The following SH3GL2 variants were observed in gnomAD, a reference collection of about 807,000 sequenced individuals.
SH3GL2 encodes the protein endophilin-A1.
A neutral mutation model predicts 46.0 loss-of-function variants in SH3GL2; 24 were observed. The observed-to-expected ratio is 0.52, with a 90% CI of 0.38 to 0.73. The LOEUF (loss-of-function observed/expected upper bound fraction) is 0.73, where lower values mean the gene tolerates loss of function less well. SH3GL2 is among the 30% of genes least tolerant of loss of function. The probability of loss-of-function intolerance (pLI) is 0.00; values close to 1 mark genes in which losing one functional copy is unlikely to be tolerated. For synonymous variants in SH3GL2, 196 were observed against 147.1 expected, an observed-to-expected ratio of 1.33 and a Z score of -2.40; for missense variants, 413 against 424.2, an observed-to-expected ratio of 0.97 and a Z score of 0.23.
intron 1 of SH3GL2, among the ~76,000 whole-genome samples, chr9:17,583,429 C>A (rs1205955299): frequency 1.3e-5 from 2 of 152,126 alleles, no homozygotes; most frequent in African/African-American, 4.8e-5. Context: ...GTCACCCTGT[C>A]CCCTTCCACC....
chr9:17,725,684 G>T (rs952446880), intron 1 of SH3GL2, among the ~76,000 whole-genome samples: 1 of 151,994 alleles, frequency 6.6e-6, no homozygotes. Context: ...CTGGGGTTGG[G>T]GTTTTAAGGG....
chr9:17,633,489 G>A (rs896995140), intron 1 of SH3GL2, among the ~76,000 whole-genome samples: 17 of 152,182 alleles, frequency 1.1e-4, no homozygotes, highest in Admixed American at 6.5e-4. Context: ...TTTGCATATC[G>A]TCAAAATAAT....
intron 6 of SH3GL2, chr9:17,790,374 A>G: frequency 1.1e-6 from 1 of 951,998 alleles, no homozygotes; most frequent in Non-Finnish European, 1.3e-6. Context: ...GTCACCTAAA[A>G]TTAACCATCA....
At chr9:17,714,360 A>G (rs949092417) in intron 1 of SH3GL2, among the ~76,000 whole-genome samples, 1 of 151,800 alleles carries the variant, frequency 6.6e-6, no homozygotes, top group African/African-American at 2.4e-5. Flanking sequence ...ACATTTTAAT[A>G]TGATTATTCA....
chr9:17,612,591 G>T (rs978589538), intron 1 of SH3GL2, among the ~76,000 whole-genome samples: 15 of 152,298 alleles, frequency 9.8e-5, no homozygotes, highest in Middle Eastern at 3.4e-3. Flanking sequence ...GTGAGAGACT[G>T]GGAGGATGCA....
At chr9:17,585,218 C>T (rs1224183714) in intron 1 of SH3GL2, among the ~76,000 whole-genome samples, 2 of 152,104 alleles carry the variant, frequency 1.3e-5, no homozygotes, top group East Asian at 3.9e-4. Context: ...AAGGGCAGGA[C>T]ACACTGACAA....
intron 1 of SH3GL2, among the ~76,000 whole-genome samples, chr9:17,603,882 A>G (rs1387416538): frequency 6.6e-6 from 1 of 152,170 alleles, no homozygotes; most frequent in Non-Finnish European, 1.5e-5. Context: ...GAAACAAACA[A>G]AAGCAACCAT....
intron 1 of SH3GL2, among the ~76,000 whole-genome samples, chr9:17,734,432 A>C (rs1323152353): frequency 6.6e-6 from 1 of 152,124 alleles, no homozygotes; most frequent in Admixed American, 6.6e-5. Context: ...TATACTGTAC[A>C]GTCTTCACAT....
At chr9:17,714,803 C>T (rs1821711400) in intron 1 of SH3GL2, among the ~76,000 whole-genome samples, 3 of 151,750 alleles carry the variant, frequency 2.0e-5, no homozygotes, top group Admixed American at 6.6e-5. Context: ...CATATATAAC[C>T]TGTAACATTT....
In SH3GL2 at chr9:17,737,599, C is replaced by T. The variant is rs997920944; in HGVS notation, c.46-9467C>T. ...CCCTACTGCTACCTCCTTGCCCGTC[C>T]TCTGAGCTTGCTTATACTCATTAGG... is the stretch of plus-strand genomic sequence containing the variant. On this transcript the variant is annotated intron_variant, in intron 1 of 8. Transcript: ENST00000380607. Among the ~76,000 whole-genome samples the T allele has an allele frequency of 2.0e-5, 3 of 152,252 alleles. No individual in the cohort carries two copies. In the East Asian group the frequency reaches 5.8e-4, roughly 29 times the overall value.
chr9:17,622,141 T>C (rs904380896), intron 1 of SH3GL2, among the ~76,000 whole-genome samples: 1 of 152,250 alleles, frequency 6.6e-6, no homozygotes, highest in Non-Finnish European at 1.5e-5. Flanking sequence ...TGTAACCTTT[T>C]AATGAATATG....
intron 1 of SH3GL2, among the ~76,000 whole-genome samples, chr9:17,717,670 A>G (rs1821795664): frequency 1.3e-5 from 2 of 152,162 alleles, no homozygotes; most frequent in Admixed American, 1.3e-4. Context: ...TAAATGATAC[A>G]GCGCACAGAT....
intron 2 of SH3GL2, chr9:17,755,720 A>G (rs1822968275): frequency 1.1e-6 from 1 of 937,548 alleles, no homozygotes; most frequent in African/African-American, 1.8e-5. Context: ...GTGGTATCTA[A>G]TAGTATGAAA....
chr9:17,769,097 C>T (rs1202166104), intron 3 of SH3GL2, among the ~76,000 whole-genome samples: 1 of 152,168 alleles, frequency 6.6e-6, no homozygotes, highest in Non-Finnish European at 1.5e-5. Context: ...TCAAATGTCA[C>T]CTAATTTGTG....
chr9:17,697,706 G>A (rs879613539), intron 1 of SH3GL2, among the ~76,000 whole-genome samples: 6 of 152,102 alleles, frequency 3.9e-5, no homozygotes, highest in South Asian at 2.1e-4. Context: ...ATTGCCCCCC[G>A]AATAGCCTTC....
intron 1 of SH3GL2, among the ~76,000 whole-genome samples, chr9:17,616,826 G>C (rs1819013065): frequency 6.6e-6 from 1 of 151,972 alleles, no homozygotes; most frequent in African/African-American, 2.4e-5. Context: ...ATAAAAATTA[G>C]TTTATGCACT....
intron 1 of SH3GL2, among the ~76,000 whole-genome samples, chr9:17,729,317 T>C (rs1157997904): frequency 6.6e-6 from 1 of 152,176 alleles, no homozygotes; most frequent in Non-Finnish European, 1.5e-5. Context: ...TGGGGATTTT[T>C]TTTTCTTGTA....
intron 1 of SH3GL2, among the ~76,000 whole-genome samples, chr9:17,660,975 A>C (rs1291658065): frequency 6.6e-6 from 1 of 152,096 alleles, no homozygotes; most frequent in African/African-American, 2.4e-5. Context: ...CAGCCTGACC[A>C]ACGTGGTGAA....
At chr9:17,697,978 G>A (rs3808700) in intron 1 of SH3GL2, among the ~76,000 whole-genome samples, 81,941 of 152,042 alleles carry the variant, frequency 0.54, 22,964 homozygotes, top group African/African-American at 0.67. Context: ...CACTTTCTGC[G>A]TTCCGTTTGT....
Sources: allele counts gnomAD v4.1 joint callset (sites outside exome capture counted in the v4.1 genomes callset), GRCh38; gene constraint gnomAD v4.1.1; transcripts MANE v1.5; gene names NCBI Gene and HGNC (gene_info 2026-07-23, HGNC 2026-07-21).